NR6A1: variants seen among roughly 807,000 people sequenced by gnomAD.
NR6A1 encodes the protein nuclear receptor subfamily 6 group A member 1, also known as retinoic acid receptor-related testis-associated receptor.
A neutral mutation model predicts 59.1 loss-of-function variants in NR6A1; 7 were observed. The observed-to-expected ratio is 0.12, with a 90% CI of 0.07 to 0.22. The LOEUF is 0.22. NR6A1 is among the 10% of genes least tolerant of loss of function. The pLI, the probability that NR6A1 is intolerant of heterozygous loss-of-function variation, is 1.00. For synonymous variants in NR6A1, 243 were observed against 236.1 expected (o/e 1.03, Z -0.27); for missense variants, 468 against 611.6 (o/e 0.77, Z 2.48).
intron 2 of NR6A1, among the ~76,000 whole-genome samples, chr9:124,629,089 T>C (rs1399288558): frequency 6.6e-6 from 1 of 152,258 alleles, no homozygotes; most frequent in Non-Finnish European, 1.5e-5. Context: ...CCATCTCAGA[T>C]GGCTTTTTAG....
intron 2 of NR6A1, among the ~76,000 whole-genome samples, chr9:124,580,225 C>T (rs1482028668): frequency 6.6e-6 from 1 of 151,996 alleles, no homozygotes; most frequent in Non-Finnish European, 1.5e-5. Flanking sequence ...AGAATACTAC[C>T]CAGCAATTAA....
intron 2 of NR6A1, among the ~76,000 whole-genome samples, chr9:124,572,725 GAATTTTCT>G (rs1362844032): frequency 6.6e-6 from 1 of 152,154 alleles, no homozygotes; most frequent in African/African-American, 2.4e-5. Flanking sequence ...CAGGCAAGGT[GAATTTTCT>G]AGAAATTCGT....
chr9:124,716,410 A>G (rs1839418723), intron 2 of NR6A1, among the ~76,000 whole-genome samples: 1 of 152,246 alleles, frequency 6.6e-6, no homozygotes, highest in Admixed American at 6.5e-5. Context: ...GGTTAGGCCA[A>G]GATTTGTAGA....
In NR6A1 at chr9:124,684,078, C is replaced by T. The variant is rs139405845; in HGVS notation, c.142+49230G>A. Among the ~76,000 whole-genome samples, 576 of 152,200 alleles carry T rather than the reference C, an allele frequency of 3.8e-3. 2 individuals carry two copies. Among genetic ancestry groups the T allele is most frequent in the African/African-American group, 0.013 (542 of 41,514 alleles). On this transcript the variant is annotated intron_variant, in intron 2 of 9. Coordinates refer to ENST00000487099, the MANE Select transcript of NR6A1 (RefSeq NM_033334.4). The stretch of plus-strand genomic sequence containing the variant: ...AGAACAAAACACTAGCCTCGAGTAT[C>T]GCCATACAAATTTAGTTCTACACAG...
intron 2 of NR6A1, among the ~76,000 whole-genome samples, chr9:124,654,266 C>G (rs2130926833): frequency 6.6e-6 from 1 of 152,172 alleles, no homozygotes; most frequent in East Asian, 1.9e-4. Context: ...GAACTGCACA[C>G]AAGGACTTCT....
chr9:124,568,169 CAAA>C (rs34652433), intron 2 of NR6A1, among the ~76,000 whole-genome samples: 36 of 30,448 alleles, frequency 1.2e-3, no homozygotes, highest in African/African-American at 3.6e-3. Context: ...TACTTCATCT[CAAA>C]AAAAAAAAAA....
chr9:124,613,366 G>C (rs755920998), intron 2 of NR6A1, among the ~76,000 whole-genome samples: 1 of 151,690 alleles, frequency 6.6e-6, no homozygotes. Context: ...TAAAATTAAG[G>C]CCTGGTGTGG....
chr9:124,603,601 T>C (rs369849619), intron 2 of NR6A1, among the ~76,000 whole-genome samples: 2 of 152,136 alleles, frequency 1.3e-5, no homozygotes, highest in African/African-American at 4.8e-5. Flanking sequence ...TTGCTGACGA[T>C]CTTTTGATTA....
intron 2 of NR6A1, among the ~76,000 whole-genome samples, chr9:124,591,453 A>G (rs1472645054): frequency 6.6e-6 from 1 of 152,222 alleles, no homozygotes; most frequent in East Asian, 1.9e-4. Flanking sequence ...CCATATACGT[A>G]GCCAAGTTTT....
chr9:124,670,476 C>T (rs1172543322), intron 2 of NR6A1, among the ~76,000 whole-genome samples: 1 of 149,326 alleles, frequency 6.7e-6, no homozygotes, highest in African/African-American at 2.6e-5. Context: ...GAGAAAAGGT[C>T]TAAAAAGCTA....
chr9:124,538,798 G>A (rs530230457), intron 5 of NR6A1, among the ~76,000 whole-genome samples: 3 of 152,106 alleles, frequency 2.0e-5, no homozygotes, highest in Admixed American at 6.5e-5. Context: ...AAGAACAAAC[G>A]AAGGGGCACC....
intron 2 of NR6A1, among the ~76,000 whole-genome samples, chr9:124,611,613 G>T (rs1835744589): frequency 6.6e-6 from 1 of 152,050 alleles, no homozygotes; most frequent in South Asian, 2.1e-4. Context: ...GCTGGGCATG[G>T]TGGCACATGC....
chr9:124,752,967 G>A (rs546417872), intron 1 of NR6A1, among the ~76,000 whole-genome samples: 5 of 152,246 alleles, frequency 3.3e-5, no homozygotes, highest in Admixed American at 3.3e-4. Context: ...AAGTAAGGAG[G>A]GGGTACCTAG....
At chr9:124,700,600 T>G (rs980200861) in intron 2 of NR6A1, among the ~76,000 whole-genome samples, 1 of 152,112 alleles carries the variant, frequency 6.6e-6, no homozygotes, top group Non-Finnish European at 1.5e-5. Context: ...TCCTTTTTAT[T>G]GTTGAATAAA....
intron 2 of NR6A1, among the ~76,000 whole-genome samples, chr9:124,706,156 T>C (rs995087495): frequency 6.6e-6 from 1 of 152,222 alleles, no homozygotes; most frequent in Non-Finnish European, 1.5e-5. Flanking sequence ...TCTTTACTTA[T>C]GACAGTCTAA....
chr9:124,579,055 G>A (rs891288391), intron 2 of NR6A1, among the ~76,000 whole-genome samples: 1 of 152,226 alleles, frequency 6.6e-6, no homozygotes, highest in African/African-American at 2.4e-5. Flanking sequence ...TCTGAGACAG[G>A]TGGATTGCTT....
rs535158084 is a variant in NR6A1 at position 124,633,296 on chromosome 9, G to A, written c.143-78726C>T. Among the ~76,000 whole-genome samples the A allele has an allele frequency of 1.5e-4, 23 of 151,404 alleles. 1 individual carries two copies. In the South Asian group the frequency reaches 4.4e-3, roughly 29 times the overall value. On this transcript the variant is annotated intron_variant, in intron 2 of 9. Coordinates refer to ENST00000487099, the MANE Select transcript of NR6A1 (RefSeq NM_033334.4). ...CGCGCGCCTGTAGTCCCAGCTACACGGGAGGCTGAGGCAGGAGAATGGCGT... is the reference window on the plus strand; with the variant it reads ...CGCGCGCCTGTAGTCCCAGCTACACAGGAGGCTGAGGCAGGAGAATGGCGT...
At chr9:124,741,544 A>C (rs1420342443) in intron 1 of NR6A1, among the ~76,000 whole-genome samples, 4 of 152,254 alleles carry the variant, frequency 2.6e-5, no homozygotes, top group Admixed American at 6.5e-5. Context: ...TGACAATGCA[A>C]ATGCACTTAA....
At chr9:124,575,839 TTGA>T (rs1834574698) in intron 2 of NR6A1, among the ~76,000 whole-genome samples, 1 of 152,208 alleles carries the variant, frequency 6.6e-6, no homozygotes, top group Non-Finnish European at 1.5e-5. Flanking sequence ...ATTATTATTA[TTGA>T]TATCATATTG....
Sources: allele counts gnomAD v4.1 joint callset (sites outside exome capture counted in the v4.1 genomes callset), GRCh38; gene constraint gnomAD v4.1.1; transcripts MANE v1.5; gene names NCBI Gene and HGNC (gene_info 2026-07-23, HGNC 2026-07-21).